Variants in RAD18 observed in about 807,000 individuals in gnomAD.
The protein encoded by RAD18 is E3 ubiquitin-protein ligase RAD18.
In RAD18, 47 loss-of-function variants were observed where a neutral mutation model predicts 60.4. The observed-to-expected ratio is 0.78, with a 90% CI of 0.62 to 0.99. The LOEUF is 0.99. RAD18 is among the 50% of genes least tolerant of loss of function. RAD18 has a pLI of 0.00. For synonymous variants in RAD18, 225 were observed against 195.5 expected (o/e 1.15, Z -1.26); for missense variants, 640 against 593.3 (o/e 1.08, Z -0.82).
chr3:8,927,072 A>G (rs1222262601), intron 7 of RAD18, among the ~76,000 whole-genome samples: 2 of 152,190 alleles, frequency 1.3e-5, no homozygotes, highest in East Asian at 3.8e-4. Flanking sequence ...ATCTAATTAA[A>G]CTAAAGAGCT....
chr3:8,934,416 C>A (rs894299184), intron 7 of RAD18, among the ~76,000 whole-genome samples: 3 of 152,120 alleles, frequency 2.0e-5, no homozygotes, highest in Non-Finnish European at 2.9e-5. Context: ...AATAGGCCCA[C>A]AGAACAGAAG....
chr3:8,908,928 T>C (rs571748963), intron 9 of RAD18, among the ~76,000 whole-genome samples: 2 of 152,136 alleles, frequency 1.3e-5, no homozygotes, highest in Non-Finnish European at 2.9e-5. Context: ...GATGGCTGAA[T>C]GAATGGAATA....
At chr3:8,952,973 C>T (rs948831876) in intron 2 of RAD18, among the ~76,000 whole-genome samples, 2 of 152,106 alleles carry the variant, frequency 1.3e-5, no homozygotes, top group African/African-American at 4.8e-5. Context: ...ATATACCTAT[C>T]TCTAGCCTGG....
chr3:8,924,831 A>G (rs1482778625), intron 7 of RAD18, among the ~76,000 whole-genome samples: 2 of 151,132 alleles, frequency 1.3e-5, no homozygotes, highest in African/African-American at 4.9e-5. Context: ...AACGAAATGA[A>G]GGCAGAAATA....
intron 7 of RAD18, 82 bp downstream of exon 7, chr3:8,935,789 T>G (rs898102978): frequency 3.2e-6 from 4 of 1,242,092 alleles, no homozygotes; most frequent in Non-Finnish European, 3.3e-6. Flanking sequence ...TTTACAATAT[T>G]TTTCTATGGT....
At chr3:8,941,257 T>C (rs779712097) in intron 5 of RAD18, among the ~76,000 whole-genome samples, 24 of 152,170 alleles carry the variant, frequency 1.6e-4, no homozygotes, top group Non-Finnish European at 2.9e-4. Flanking sequence ...CTAATTAAAA[T>C]TGTTTCCTTT....
chr3:8,923,765 T>C (rs1228272075), intron 7 of RAD18, among the ~76,000 whole-genome samples: 5 of 152,194 alleles, frequency 3.3e-5, no homozygotes, highest in Non-Finnish European at 7.3e-5. Flanking sequence ...ATATTCAGCA[T>C]TCTTAAAGAA....
intron 7 of RAD18, among the ~76,000 whole-genome samples, chr3:8,925,541 A>G (rs1940418188): frequency 6.6e-6 from 1 of 152,186 alleles, no homozygotes; most frequent in African/African-American, 2.4e-5. Flanking sequence ...AAAAAAGAGA[A>G]TCCTCCCTAA....
chr3:8,883,108 G>A (rs758337033), intron 12 of RAD18, among the ~76,000 whole-genome samples: 8 of 152,116 alleles, frequency 5.3e-5, no homozygotes, highest in Non-Finnish European at 1.2e-4. Context: ...GTATGTGAGG[G>A]GGTGCACATA....
intron 1 of RAD18, among the ~76,000 whole-genome samples, chr3:8,960,275 A>G (rs1941075884): frequency 1.3e-5 from 2 of 152,208 alleles, no homozygotes; most frequent in Admixed American, 6.5e-5. Context: ...ACTGCATTCC[A>G]GTCTGGGCGA....
intron 1 of RAD18, among the ~76,000 whole-genome samples, chr3:8,961,783 C>G (rs1351497762): frequency 6.6e-6 from 1 of 152,202 alleles, no homozygotes; most frequent in Non-Finnish European, 1.5e-5. Context: ...GTGCCAAACT[C>G]TACATTCAGT....
At chr3:8,931,320 A>G (rs1940548886) in intron 7 of RAD18, among the ~76,000 whole-genome samples, 1 of 152,368 alleles carries the variant, frequency 6.6e-6, no homozygotes, top group African/African-American at 2.4e-5. Flanking sequence ...TGGAACACAC[A>G]CACATAAAAA....
chr3:8,910,887 C>G (rs1201066044), intron 9 of RAD18, among the ~76,000 whole-genome samples: 1 of 151,956 alleles, frequency 6.6e-6, no homozygotes, highest in African/African-American at 2.4e-5. Context: ...AGGTAATTAC[C>G]AAAAGTAGCA....
At chr3:8,911,795 C>A (rs566231583) in intron 9 of RAD18, among the ~76,000 whole-genome samples, 1 of 152,298 alleles carries the variant, frequency 6.6e-6, no homozygotes, top group South Asian at 2.1e-4. Flanking sequence ...AACCACCACA[C>A]AAAGAGTAAC....
intron 9 of RAD18, among the ~76,000 whole-genome samples, chr3:8,908,355 AC>A (rs955400105): frequency 6.6e-6 from 1 of 151,266 alleles, no homozygotes; most frequent in African/African-American, 2.4e-5. Context: ...CAGAGGAGCC[AC>A]CCCTGAGGTC....
chr3:8,910,001 G>A (rs1387972522), intron 9 of RAD18, among the ~76,000 whole-genome samples: 1 of 152,204 alleles, frequency 6.6e-6, no homozygotes, highest in Non-Finnish European at 1.5e-5. Context: ...AGAAGAGGGA[G>A]ACTTGGAACT....
chr3:8,890,337 T>C (rs1168372611), intron 12 of RAD18, 52 bp downstream of exon 12: 2 of 1,369,116 alleles, frequency 1.5e-6, no homozygotes, highest in African/African-American at 1.4e-5. Context: ...TGCATAGAAG[T>C]ATAATTTCTC....
intron 9 of RAD18, among the ~76,000 whole-genome samples, chr3:8,908,538 C>T (rs1205994381): frequency 1.3e-5 from 2 of 152,028 alleles, no homozygotes; most frequent in African/African-American, 2.4e-5. Flanking sequence ...CTGAGAAGCT[C>T]GGGACACCTT....
chr3:8,929,335 CTT>C (rs1050118814), intron 7 of RAD18, among the ~76,000 whole-genome samples: 2 of 151,772 alleles, frequency 1.3e-5, no homozygotes, highest in African/African-American at 4.8e-5. Context: ...AAATTAATAA[CTT>C]ATAGGTAGAA....
Sources: gnomAD v4.1 joint callset for allele counts (sites outside exome capture counted in the v4.1 genomes callset) on GRCh38, gnomAD v4.1.1 for gene constraint, MANE v1.5 for transcripts, NCBI Gene and HGNC (gene_info 2026-07-23, HGNC 2026-07-21) for gene names.